SLX4IP: variants seen among roughly 807,000 people sequenced by gnomAD.
The protein encoded by SLX4IP is protein SLX4IP.
Under a neutral mutation model 32.9 loss-of-function variants are expected in SLX4IP, and 34 were observed. That is an observed-to-expected ratio of 1.03 (90% CI 0.79 to 1.38). The LOEUF is 1.38. SLX4IP is among the 40% of genes most tolerant of loss of function. The pLI, the probability that SLX4IP is intolerant of heterozygous loss-of-function variation, is 0.00. For synonymous variants in SLX4IP, 172 were observed against 171.7 expected, an observed-to-expected ratio of 1.00 and a Z score of -0.01; for missense variants, 444 against 479.0, an observed-to-expected ratio of 0.93 and a Z score of 0.68.
intron 2 of SLX4IP, among the ~76,000 whole-genome samples, chr20:10,555,276 C>T (rs1201425908): frequency 2.0e-5 from 3 of 151,866 alleles, no homozygotes; most frequent in African/African-American, 4.8e-5. Flanking sequence ...ATCTCTGGGT[C>T]TCTCAGACCA....
At chr20:10,475,679 C>G (rs1011600737) in intron 2 of SLX4IP, among the ~76,000 whole-genome samples, 1 of 152,196 alleles carries the variant, frequency 6.6e-6, no homozygotes, top group Admixed American at 6.5e-5. Context: ...AGTGACATAT[C>G]CTACAAAACT....
intron 4 of SLX4IP, among the ~76,000 whole-genome samples, chr20:10,572,443 C>T (rs1344099685): frequency 6.6e-6 from 1 of 152,092 alleles, no homozygotes; most frequent in African/African-American, 2.4e-5. Context: ...TTCATATTCT[C>T]TATTCTCTGA....
intron 2 of SLX4IP, among the ~76,000 whole-genome samples, chr20:10,552,617 A>C (rs982955924): frequency 6.6e-6 from 1 of 152,068 alleles, no homozygotes; most frequent in Non-Finnish European, 1.5e-5. Context: ...AAGTCTGCTC[A>C]CCACAGTAAG....
intron 2 of SLX4IP, among the ~76,000 whole-genome samples, chr20:10,495,207 A>G (rs866240015): frequency 1.5e-4 from 23 of 152,282 alleles, no homozygotes; most frequent in Non-Finnish European, 1.9e-4. Flanking sequence ...TACTCTCAAC[A>G]TTATTAATTT....
At chr20:10,618,194 G>C (rs889136241) in intron 6 of SLX4IP, among the ~76,000 whole-genome samples, 2 of 152,136 alleles carry the variant, frequency 1.3e-5, no homozygotes, top group Non-Finnish European at 2.9e-5. Flanking sequence ...CATCCTTGGG[G>C]TACTGGTCTC....
chr20:10,573,911 C>G (rs928376400), intron 4 of SLX4IP, among the ~76,000 whole-genome samples: 13 of 152,248 alleles, frequency 8.5e-5, no homozygotes, highest in Admixed American at 3.3e-4. Context: ...AATGAGAAAG[C>G]AAATGCCAAT....
intron 4 of SLX4IP, among the ~76,000 whole-genome samples, chr20:10,564,483 C>A (rs2066368190): frequency 6.6e-6 from 1 of 152,114 alleles, no homozygotes; most frequent in Non-Finnish European, 1.5e-5. Flanking sequence ...GTTACATTTC[C>A]AGATCCATAT....
In SLX4IP at chr20:10,479,837, C is replaced by A. The variant is rs190852081; in HGVS notation, c.27+21606C>A. Reference sequence around the variant, plus strand: ...TGGCCAATGTGGTGAAACCCCGCCTCTACTAAAAACACAAAAATTAGCTGG... The same window carrying A: ...TGGCCAATGTGGTGAAACCCCGCCTATACTAAAAACACAAAAATTAGCTGG... On this transcript the variant is annotated intron_variant, in intron 2 of 7. Coordinates refer to ENST00000334534, the MANE Select transcript of SLX4IP (RefSeq NM_001009608.3). Among the ~76,000 whole-genome samples, 41 of 151,238 alleles carry A rather than the reference C, an allele frequency of 2.7e-4. 1 individual carries two copies. In the East Asian group the frequency reaches 8.2e-3, roughly 30 times the overall value.
At chr20:10,554,279 C>G (rs1019222095) in intron 2 of SLX4IP, among the ~76,000 whole-genome samples, 1 of 152,178 alleles carries the variant, frequency 6.6e-6, no homozygotes, top group Non-Finnish European at 1.5e-5. Flanking sequence ...CATGTTGAGT[C>G]TATCGGTAGT....
chr20:10,502,490 G>A (rs946064290), intron 2 of SLX4IP, among the ~76,000 whole-genome samples: 10 of 152,100 alleles, frequency 6.6e-5, no homozygotes, highest in Admixed American at 3.3e-4. Flanking sequence ...ACATGTCCCC[G>A]CTCACAAACC....
chr20:10,446,276 G>T (rs981968990), intron 1 of SLX4IP, among the ~76,000 whole-genome samples: 1 of 151,908 alleles, frequency 6.6e-6, no homozygotes, highest in African/African-American at 2.4e-5. Flanking sequence ...GCCAGGTGTG[G>T]TGGCAGGCAC....
At chr20:10,591,791 CA>C (rs1216322309) in intron 4 of SLX4IP, among the ~76,000 whole-genome samples, 3 of 151,986 alleles carry the variant, frequency 2.0e-5, no homozygotes, top group Non-Finnish European at 4.4e-5. Context: ...TTTAAATAAA[CA>C]AAAAAGTGGG....
At chr20:10,583,399 C>T (rs374330269) in intron 4 of SLX4IP, among the ~76,000 whole-genome samples, 5 of 152,258 alleles carry the variant, frequency 3.3e-5, no homozygotes, top group South Asian at 4.1e-4. Context: ...TCATTGCACT[C>T]GGTTGATTAT....
Position 10,454,070 on chromosome 20 carries a change from T to C in SLX4IP, c.-29-4106T>C, listed in dbSNP as rs181571154. Among the ~76,000 whole-genome samples the C allele has an allele frequency of 3.3e-5, 5 of 152,328 alleles. No individual in the cohort carries two copies. In the East Asian group the frequency reaches 9.6e-4, roughly 29 times the overall value. On this transcript the variant is annotated intron_variant, in intron 1 of 7. Coordinates refer to ENST00000334534, the MANE Select transcript of SLX4IP (RefSeq NM_001009608.3). ...CCCTAATGATAATTCTTAAAAAATG[T>C]TTTCTTCTCCCTCCATACTTTGTTT...
At position 10,595,199 on chromosome 20, in the gene SLX4IP, C is replaced by CA. The variant is rs1228444071; in HGVS notation, c.239-3475dup. Among the ~76,000 whole-genome samples the CA allele has an allele frequency of 2.0e-5, 3 of 152,112 alleles. No homozygotes were observed. In the East Asian group the frequency reaches 5.8e-4, roughly 29 times the overall value. On this transcript the variant is annotated intron_variant, in intron 4 of 7. Transcript: ENST00000334534. ...TTGTTTCTGGAAATGCACATACCTG[C>CA]AGACGCCTGGTGGTAAGATGTTTCT...
intron 2 of SLX4IP, among the ~76,000 whole-genome samples, chr20:10,469,426 A>G (rs372277001): frequency 2.0e-5 from 3 of 152,196 alleles, no homozygotes; most frequent in South Asian, 2.1e-4. Flanking sequence ...AATAATCAAG[A>G]TGACAATCCA....
chr20:10,552,237 A>G (rs902702596), intron 2 of SLX4IP, among the ~76,000 whole-genome samples: 3 of 152,102 alleles, frequency 2.0e-5, no homozygotes, highest in Non-Finnish European at 4.4e-5. Flanking sequence ...GCCTCTGCAG[A>G]GTGACCAGTT....
chr20:10,462,157 AAGATAAT>A (rs2065343154), intron 2 of SLX4IP, among the ~76,000 whole-genome samples: 1 of 152,202 alleles, frequency 6.6e-6, no homozygotes, highest in Non-Finnish European at 1.5e-5. Flanking sequence ...GTAGAACAAA[AAGATAAT>A]AGATTAAAAA....
At position 10,621,282 on chromosome 20, in the gene SLX4IP, T is replaced by A. The variant is rs765972220; in HGVS notation, c.406-32T>A. 19 of 1,588,704 alleles carry A rather than the reference T, an allele frequency of 1.2e-5. No individual in the cohort carries two copies. The African/African-American group carries it at 2.6e-4, about 21-fold the overall frequency. Reference sequence around the variant, plus strand: ...TTCTCTCATGTTCAGCTAATAGATTTCTGGTTGAACCTTTGTTATCTTTTG... The same window carrying A: ...TTCTCTCATGTTCAGCTAATAGATTACTGGTTGAACCTTTGTTATCTTTTG... On this transcript the variant is annotated intron_variant, in intron 6 of 7. Coordinates refer to ENST00000334534, the MANE Select transcript of SLX4IP (RefSeq NM_001009608.3).
Sources: allele counts gnomAD v4.1 joint callset (sites outside exome capture counted in the v4.1 genomes callset), GRCh38; gene constraint gnomAD v4.1.1; transcripts MANE v1.5; gene names NCBI Gene and HGNC (gene_info 2026-07-23, HGNC 2026-07-21).